Variants in PIK3C2G observed in about 807,000 individuals in gnomAD.
PIK3C2G encodes the protein phosphatidylinositol-4-phosphate 3-kinase catalytic subunit type 2 gamma.
In PIK3C2G, 168 loss-of-function variants were observed where a neutral mutation model predicts 181.1. That is an observed-to-expected ratio of 0.93 (90% CI 0.82 to 1.05). The LOEUF (loss-of-function observed/expected upper bound fraction) is 1.05. Among genes scored for constraint, PIK3C2G ranks in the 50% least tolerant of loss-of-function variants. PIK3C2G has a pLI of 0.00. For synonymous variants in PIK3C2G, 573 were observed against 592.2 expected (o/e 0.97, Z 0.47); for missense variants, 1,869 against 1,732.8 (o/e 1.08, Z -1.40).
intron 16 of PIK3C2G, among the ~76,000 whole-genome samples, chr12:18,405,397 GTGTTGTTGTTGTTGTTGTTGTTGTTGT>G (rs58282294): frequency 2.9e-4 from 41 of 139,880 alleles, no homozygotes; most frequent in Non-Finnish European, 5.0e-4. Context: ...AGCAACATTT[GTGTTGTTGTTGTTGTTGTTGTTGTTGT>G]TGTTGTTGTT....
At chr12:18,650,736 A>ATATC (rs1565602845), downstream of PIK3C2G, among the ~76,000 whole-genome samples, 9 of 29,526 alleles carry the variant, frequency 3.0e-4, no homozygotes, top group Non-Finnish European at 5.0e-4. Context: ...ATATATATAT[A>ATATC]TATATATATA....
intron 18 of PIK3C2G, among the ~76,000 whole-genome samples, chr12:18,472,741 C>A (rs1306033305): frequency 6.6e-6 from 1 of 152,076 alleles, no homozygotes; most frequent in Non-Finnish European, 1.5e-5. Context: ...ACTCTGTCAC[C>A]CAGGCTGGAG....
the PIK3C2G span, among the ~76,000 whole-genome samples, chr12:18,717,657 G>C: frequency 6.6e-6 from 1 of 152,032 alleles, no homozygotes; most frequent in African/African-American, 2.4e-5. Context: ...CCTACAATGG[G>C]CTTCTCTCTT....
chr12:18,275,634 G>C (rs1343135454), intron 1 of PIK3C2G, among the ~76,000 whole-genome samples: 1 of 152,146 alleles, frequency 6.6e-6, no homozygotes, highest in Non-Finnish European at 1.5e-5. Context: ...ACCCGCCTCG[G>C]CCTCCCAAAG....
At chr12:18,529,152 C>T (rs932042111) in intron 24 of PIK3C2G, among the ~76,000 whole-genome samples, 11 of 139,910 alleles carry the variant, frequency 7.9e-5, no homozygotes, top group African/African-American at 3.5e-4. Context: ...TAGCATCTTG[C>T]ATTTATGACC....
At chr12:18,618,963 T>C (rs1948725489) in intron 31 of PIK3C2G, among the ~76,000 whole-genome samples, 1 of 151,982 alleles carries the variant, frequency 6.6e-6, no homozygotes, top group Non-Finnish European at 1.5e-5. Flanking sequence ...TTGGAAAATA[T>C]CTAAAGATCT....
chr12:18,303,827 G>A (rs1950309695), intron 5 of PIK3C2G, among the ~76,000 whole-genome samples: 1 of 151,790 alleles, frequency 6.6e-6, no homozygotes. Context: ...TTCTGTTTCG[G>A]CCAATTGCTT....
At chr12:18,650,923 C>T (rs1260228753), downstream of PIK3C2G, among the ~76,000 whole-genome samples, 1 of 151,538 alleles carries the variant, frequency 6.6e-6, no homozygotes, top group Non-Finnish European at 1.5e-5. Context: ...CAGTCTCCTC[C>T]TTTCTATGCT....
chr12:18,536,555 G>T (rs1010531034), intron 24 of PIK3C2G, among the ~76,000 whole-genome samples: 1 of 152,090 alleles, frequency 6.6e-6, no homozygotes, highest in African/African-American at 2.4e-5. Context: ...TCTCTCTAAT[G>T]TGAGCAGTTC....
At chr12:18,656,525 A>G in the PIK3C2G span, among the ~76,000 whole-genome samples, 1 of 152,148 alleles carries the variant, frequency 6.6e-6, no homozygotes, top group Non-Finnish European at 1.5e-5. Flanking sequence ...AGATCACACC[A>G]CTGGACTCCA....
intron 24 of PIK3C2G, among the ~76,000 whole-genome samples, chr12:18,519,648 G>A (rs542141039): frequency 2.1e-4 from 32 of 152,098 alleles, no homozygotes; most frequent in Non-Finnish European, 3.8e-4. Context: ...TCAGCACACC[G>A]ATTGGTCTTG....
intron 14 of PIK3C2G, among the ~76,000 whole-genome samples, chr12:18,387,677 T>C (rs73066528): frequency 0.098 from 14,981 of 152,204 alleles, 1,060 homozygotes; most frequent in Admixed American, 0.25. Flanking sequence ...TATGTTCACG[T>C]AATACCCAAT....
chr12:18,538,621 C>T (rs1943991371), intron 25 of PIK3C2G, among the ~76,000 whole-genome samples: 2 of 151,912 alleles, frequency 1.3e-5, no homozygotes, highest in African/African-American at 4.8e-5. Context: ...TCATACTAGG[C>T]ATTAGGATCT....
chr12:18,558,033 A>T (rs1945099589), intron 26 of PIK3C2G, among the ~76,000 whole-genome samples: 1 of 152,176 alleles, frequency 6.6e-6, no homozygotes, highest in African/African-American at 2.4e-5. Flanking sequence ...TAGGAGGCCA[A>T]AGGGCCTAGA....
At chr12:18,546,467 A>G (rs1437274271) in intron 26 of PIK3C2G, 35 bp downstream of exon 26, 1 of 1,103,662 alleles carries the variant, frequency 9.1e-7, no homozygotes, top group Non-Finnish European at 1.4e-6. Context: ...GCATGCATGC[A>G]TGAATGTACG....
intron 3 of PIK3C2G, among the ~76,000 whole-genome samples, 152 bp from the exon 4 acceptor site, chr12:18,290,703 A>G (rs886926815): frequency 2.6e-5 from 4 of 152,198 alleles, no homozygotes; most frequent in African/African-American, 9.6e-5. Context: ...AATGCACTGC[A>G]TCACAAATCA....
At chr12:18,652,114 T>C (rs919625889), downstream of PIK3C2G, among the ~76,000 whole-genome samples, 1 of 152,138 alleles carries the variant, frequency 6.6e-6, no homozygotes, top group African/African-American at 2.4e-5. Flanking sequence ...TCCCCAAAAT[T>C]GATAGGTTGA....
intron 15 of PIK3C2G, among the ~76,000 whole-genome samples, chr12:18,392,340 A>T (rs1943587641): frequency 6.6e-6 from 1 of 152,078 alleles, no homozygotes; most frequent in East Asian, 1.9e-4. Flanking sequence ...TAGGGCACTG[A>T]GTGCGATCAG....
At chr12:18,516,399 A>G (rs887793410) in intron 24 of PIK3C2G, among the ~76,000 whole-genome samples, 2 of 151,682 alleles carry the variant, frequency 1.3e-5, no homozygotes, top group Non-Finnish European at 2.9e-5. Flanking sequence ...TGCTGCTTTC[A>G]GCATTCTTTC....
Sources: allele counts gnomAD v4.1 joint callset (sites outside exome capture counted in the v4.1 genomes callset), GRCh38; gene constraint gnomAD v4.1.1; transcripts MANE v1.5; gene names NCBI Gene and HGNC (gene_info 2026-07-23, HGNC 2026-07-21).